The following XCR1 variants were observed in gnomAD, a reference collection of about 807,000 sequenced individuals.
XCR1 encodes chemokine XC receptor 1.
For synonymous variants in XCR1, 187 were observed against 188.5 expected (o/e 0.99, Z 0.06); for missense variants, 356 against 424.2 (o/e 0.84, Z 1.41).
Position 46,018,330 on chromosome 3 carries a change from A to G in XCR1, c.*2616T>C, listed in dbSNP as rs1237915230. 6.6e-6 allele frequency: 1 copy of G among 152,210 alleles called. No homozygotes were observed. The highest frequency in any genetic ancestry group is 1.5e-5 in the Non-Finnish European group (1 of 68,042). The allele number at this position is 152,210 out of a possible 1,614,324, so 9.4% of individuals were successfully genotyped here. On this transcript the variant is annotated 3_prime_UTR_variant, in exon 2 of 2. Coordinates refer to ENST00000309285, the MANE Select transcript of XCR1 (RefSeq NM_001024644.2). ...CTAAGAAGGGTGGGTTCAAAGCCCAAGGTGCTTTGGTTTTGCTAAGTGGGT... is the reference window on the plus strand; with the variant it reads ...CTAAGAAGGGTGGGTTCAAAGCCCAGGGTGCTTTGGTTTTGCTAAGTGGGT...
chr3:46,080,659 C>T (rs1289829730), intron 1 of XCR1, among the ~76,000 whole-genome samples: 2 of 152,112 alleles, frequency 1.3e-5, no homozygotes, highest in South Asian at 2.1e-4. Context: ...AGAAGGAAAT[C>T]GACCTCAGGA....
chr3:46,045,839 C>CAACG (rs1697615004), intron 5 of XCR1, among the ~76,000 whole-genome samples: 2 of 152,076 alleles, frequency 1.3e-5, no homozygotes, highest in African/African-American at 4.8e-5. Context: ...ATAAAGCTAC[C>CAACG]GTTGGATCCT....
At chr3:46,058,163 ACT>A (rs1697889528) in intron 4 of XCR1, among the ~76,000 whole-genome samples, 1 of 152,140 alleles carries the variant, frequency 6.6e-6, no homozygotes, top group South Asian at 2.1e-4. Context: ...GCCAGTAATG[ACT>A]CTATTTCCAT....
chr3:46,055,610 C>T (rs1053537725), intron 4 of XCR1, among the ~76,000 whole-genome samples: 2 of 152,214 alleles, frequency 1.3e-5, no homozygotes, highest in African/African-American at 4.8e-5. Flanking sequence ...CATTCAGTGG[C>T]CCTATGATTA....
In XCR1 at chr3:46,024,038, A is replaced by G. The variant is rs957259038; in HGVS notation, c.-31-2060T>C. 19 of 1,256,354 alleles carry G rather than the reference A, an allele frequency of 1.5e-5. No individual in the cohort carries two copies. In the African/African-American group the frequency reaches 2.7e-4, roughly 18 times the overall value. The allele number at this position is 1,256,354 out of a possible 1,614,324, so 77.8% of individuals were successfully genotyped here. ...TCAACCTGGCAGAAGTTTGCAGCAA[A>G]TGCCGGGAAAGCCAAGGACATTCCA... On this transcript the variant is annotated intron_variant, in intron 1 of 1. Coordinates refer to ENST00000309285, the MANE Select transcript of XCR1 (RefSeq NM_001024644.2).
intron 4 of XCR1, among the ~76,000 whole-genome samples, chr3:46,062,251 C>T (rs1459893020): frequency 1.3e-5 from 2 of 152,134 alleles, no homozygotes; most frequent in African/African-American, 2.4e-5. Flanking sequence ...TGGACATGCC[C>T]GCTCAGCTGT....
intron 5 of XCR1, among the ~76,000 whole-genome samples, chr3:46,046,904 A>G (rs1411166393): frequency 6.6e-6 from 1 of 152,204 alleles, no homozygotes; most frequent in Non-Finnish European, 1.5e-5. Context: ...GCTCCCTGCA[A>G]ATGGGCTTTC....
At chr3:46,085,689 A>G (rs1265225226) in intron 1 of XCR1, among the ~76,000 whole-genome samples, 1 of 152,146 alleles carries the variant, frequency 6.6e-6, no homozygotes, top group African/African-American at 2.4e-5. Context: ...CCATGTCTCA[A>G]CAATCATGCA....
chr3:46,023,893 C>T, intron 1 of XCR1: 13 of 1,506,800 alleles, frequency 8.6e-6, no homozygotes, highest in Non-Finnish European at 1.2e-5. Flanking sequence ...TAACTAAAGG[C>T]TGAAAAGGCC....
chr3:46,084,284 G>A (rs553573081), intron 1 of XCR1, among the ~76,000 whole-genome samples: 1 of 152,310 alleles, frequency 6.6e-6, no homozygotes, highest in East Asian at 1.9e-4. Flanking sequence ...CAGTGCTTTT[G>A]AGGAGAAAAA....
chr3:46,033,409 A>G (rs1305109324), intron 5 of XCR1, among the ~76,000 whole-genome samples: 1 of 152,174 alleles, frequency 6.6e-6, no homozygotes, highest in Non-Finnish European at 1.5e-5. Context: ...TAGATGTACA[A>G]TTGTTCTAGC....
intron 2 of XCR1, among the ~76,000 whole-genome samples, chr3:46,076,495 T>C (rs749827738): frequency 6.6e-6 from 1 of 152,184 alleles, no homozygotes; most frequent in Admixed American, 6.5e-5. Context: ...GACACTCATC[T>C]TGCAGAGTTG....
intron 4 of XCR1, among the ~76,000 whole-genome samples, chr3:46,057,906 A>G (rs1048789052): frequency 2.1e-5 from 3 of 145,672 alleles, no homozygotes; most frequent in African/African-American, 5.4e-5. Flanking sequence ...CTATCTATCT[A>G]TCTATCTATC....
In XCR1 at chr3:46,021,621, G is replaced by A. The variant is rs1708153879; in HGVS notation, c.327C>T (p.Phe109=). The change falls in exon 2 of 2, where the codon TTC becomes TTT. Residue 109 remains phenylalanine, a synonymous_variant. Transcript: ENST00000309285. This position sits in a 1 kb window ranked among gnomAD's most constrained non-coding sequence, Gnocchi z 4.7. ...DFLCKLLNMI[F]SISLYSSIFF... ...AGATGCTGCTGTAGAGGCTGATGGA[G>A]AAGATCATATTGAGGAGTTTGCAGA... 6.2e-7 allele frequency: 1 copy of A among 1,613,538 alleles called. No individual in the cohort carries two copies. Among genetic ancestry groups the A allele is most frequent in the East Asian group, 2.2e-5 (1 of 44,866 alleles).
intron 1 of XCR1, among the ~76,000 whole-genome samples, chr3:46,085,274 G>T (rs1698454281): frequency 6.6e-6 from 1 of 151,314 alleles, no homozygotes; most frequent in Non-Finnish European, 1.5e-5. Context: ...AACACAAGAG[G>T]CAGGTACTAA....
At chr3:46,045,732 A>C (rs1697613139) in intron 5 of XCR1, among the ~76,000 whole-genome samples, 1 of 152,214 alleles carries the variant, frequency 6.6e-6, no homozygotes, top group South Asian at 2.1e-4. Context: ...GTTGGTGAGG[A>C]TGTGGAGAAA....
At chr3:46,057,768 C>G (rs1040293798) in intron 4 of XCR1, among the ~76,000 whole-genome samples, 3 of 152,204 alleles carry the variant, frequency 2.0e-5, no homozygotes, top group Non-Finnish European at 4.4e-5. Context: ...CCAGCCTGCT[C>G]TTCCCGATGG....
chr3:46,074,109 A>G (rs1345552325), intron 3 of XCR1, among the ~76,000 whole-genome samples: 2 of 152,096 alleles, frequency 1.3e-5, no homozygotes, highest in African/African-American at 2.4e-5. Context: ...GTTATATCAG[A>G]GATAACTTGC....
chr3:46,069,634 T>C (rs1000302692), intron 3 of XCR1, among the ~76,000 whole-genome samples: 17 of 152,186 alleles, frequency 1.1e-4, no homozygotes, highest in African/African-American at 4.1e-4. Context: ...GTTATATGTA[T>C]TACATGCTGT....
Sources: allele counts gnomAD v4.1 joint callset (sites outside exome capture counted in the v4.1 genomes callset), GRCh38; gene constraint gnomAD v4.1.1; non-coding constraint Gnocchi (gnomAD v3.1); transcripts MANE v1.5; gene names NCBI Gene and HGNC (gene_info 2026-07-23, HGNC 2026-07-21).